The following FBXL17 variants were observed in gnomAD, a reference collection of about 807,000 sequenced individuals.
FBXL17 encodes F-box/LRR-repeat protein 17.
FBXL17 carries 22 observed loss-of-function variants against 66.2 expected under a neutral mutation model. That is an observed-to-expected ratio of 0.33 (90% CI 0.24 to 0.47). The LOEUF (loss-of-function observed/expected upper bound fraction) is 0.47. Ranked by LOEUF, FBXL17 falls within the 20% of genes least tolerant of loss-of-function variation. The pLI is 1.00. For synonymous variants in FBXL17, 474 were observed against 400.5 expected, an observed-to-expected ratio of 1.18 and a Z score of -2.19; for missense variants, 878 against 948.2, an observed-to-expected ratio of 0.93 and a Z score of 0.97.
At chr5:107,904,517 A>C (rs1454148091) in intron 7 of FBXL17, among the ~76,000 whole-genome samples, 2 of 152,154 alleles carry the variant, frequency 1.3e-5, no homozygotes, top group African/African-American at 4.8e-5. Flanking sequence ...ATATATAACT[A>C]TATCTAGTTT....
rs903528431 is a variant in FBXL17 at position 107,996,324 on chromosome 5, T to G, written c.1822+24601A>C. 2.0e-5 allele frequency among the ~76,000 whole-genome samples: 3 copies of G among 152,208 alleles called. No homozygotes were observed. The East Asian group carries it at 5.8e-4, about 29-fold the overall frequency. On this transcript the variant is annotated intron_variant, in intron 7 of 8. Coordinates refer to ENST00000542267, the MANE Select transcript of FBXL17 (RefSeq NM_001163315.3). ...CCTATGACACTATTTTTTGTTTGTTTGTTTGTTGGAGACCGAGTCTCCCTG... is the reference window on the plus strand; with the variant it reads ...CCTATGACACTATTTTTTGTTTGTTGGTTTGTTGGAGACCGAGTCTCCCTG...
chr5:108,315,578 C>A (rs1210308292), intron 4 of FBXL17, among the ~76,000 whole-genome samples: 1 of 150,840 alleles, frequency 6.6e-6, no homozygotes, highest in Non-Finnish European at 1.5e-5. Flanking sequence ...TATAATACAA[C>A]CAAGAGAATT....
intron 4 of FBXL17, among the ~76,000 whole-genome samples, chr5:108,278,497 G>C (rs571620737): frequency 2.9e-4 from 44 of 152,310 alleles, no homozygotes; most frequent in African/African-American, 1.1e-3. Context: ...CCCAGTGCTA[G>C]AAGCAGGCAC....
At chr5:108,067,022 T>C (rs1199423906) in intron 6 of FBXL17, among the ~76,000 whole-genome samples, 2 of 152,080 alleles carry the variant, frequency 1.3e-5, no homozygotes, top group Admixed American at 6.5e-5. Flanking sequence ...CTTATATTTA[T>C]AATAAAGCAA....
intron 7 of FBXL17, among the ~76,000 whole-genome samples, chr5:107,934,974 G>A (rs958675778): frequency 1.3e-5 from 2 of 152,060 alleles, no homozygotes; most frequent in African/African-American, 2.4e-5. Flanking sequence ...TAGACCTCAA[G>A]TCAGGTGGTC....
intron 5 of FBXL17, among the ~76,000 whole-genome samples, chr5:108,204,641 T>C (rs1754037195): frequency 6.6e-6 from 1 of 152,162 alleles, no homozygotes; most frequent in African/African-American, 2.4e-5. Context: ...ATTTTTGGCA[T>C]TTCAGACTCT....
intron 4 of FBXL17, among the ~76,000 whole-genome samples, chr5:108,340,618 T>G (rs1398087439): frequency 6.6e-6 from 1 of 152,158 alleles, no homozygotes. Context: ...ACATAAAGAA[T>G]GGCATCATTA....
chr5:108,052,314 T>C (rs1347651761), intron 6 of FBXL17, among the ~76,000 whole-genome samples: 1 of 152,024 alleles, frequency 6.6e-6, no homozygotes, highest in African/African-American at 2.4e-5. Flanking sequence ...AACCCCATCA[T>C]CTCAGCCCCA....
chr5:108,318,491 T>C (rs1219629086), intron 4 of FBXL17, among the ~76,000 whole-genome samples: 1 of 151,838 alleles, frequency 6.6e-6, no homozygotes, highest in Non-Finnish European at 1.5e-5. Flanking sequence ...CCAATATACA[T>C]AAAATCCTTG....
chr5:108,302,372 G>T (rs777384158), intron 4 of FBXL17, among the ~76,000 whole-genome samples: 1 of 151,688 alleles, frequency 6.6e-6, no homozygotes, highest in Non-Finnish European at 1.5e-5. Context: ...CAAAATAAAA[G>T]AAATACATAT....
intron 6 of FBXL17, among the ~76,000 whole-genome samples, chr5:108,154,965 A>T (rs932932868): frequency 6.6e-6 from 1 of 152,018 alleles, no homozygotes; most frequent in African/African-American, 2.4e-5. Context: ...CACCCTTCAG[A>T]CTTAATAAGA....
intron 6 of FBXL17, among the ~76,000 whole-genome samples, chr5:108,123,864 T>A (rs1391655088): frequency 1.3e-5 from 2 of 152,138 alleles, no homozygotes; most frequent in Non-Finnish European, 1.5e-5. Context: ...ATGGAAAACA[T>A]AAGACACCAC....
At chr5:107,946,666 C>G (rs1319342915) in intron 7 of FBXL17, among the ~76,000 whole-genome samples, 1 of 151,778 alleles carries the variant, frequency 6.6e-6, no homozygotes, top group African/African-American at 2.4e-5. Flanking sequence ...GGGACAGAAG[C>G]CCCTGCATAA....
At chr5:108,013,620 C>A (rs1561367738) in intron 7 of FBXL17, among the ~76,000 whole-genome samples, 1 of 152,188 alleles carries the variant, frequency 6.6e-6, no homozygotes, top group Non-Finnish European at 1.5e-5. Flanking sequence ...TCTTTCTCAA[C>A]ACAAGAGTAC....
chr5:108,107,399 T>C (rs1749842967), intron 6 of FBXL17, among the ~76,000 whole-genome samples: 1 of 152,202 alleles, frequency 6.6e-6, no homozygotes, highest in Non-Finnish European at 1.5e-5. Flanking sequence ...TTCTGTTAAT[T>C]AGATGAAATA....
At chr5:107,937,706 T>A (rs927494025) in intron 7 of FBXL17, among the ~76,000 whole-genome samples, 1 of 152,144 alleles carries the variant, frequency 6.6e-6, no homozygotes, top group Non-Finnish European at 1.5e-5. Flanking sequence ...ATGGTAGGTG[T>A]GCAGTGAATA....
chr5:107,905,557 G>C (rs1749725278), intron 7 of FBXL17, among the ~76,000 whole-genome samples: 1 of 152,092 alleles, frequency 6.6e-6, no homozygotes, highest in Non-Finnish European at 1.5e-5. Context: ...TGTGAAAAAT[G>C]ACTCTTCAAA....
chr5:107,896,498 A>G (rs1338558152), intron 7 of FBXL17, among the ~76,000 whole-genome samples: 3 of 152,220 alleles, frequency 2.0e-5, no homozygotes, highest in Admixed American at 6.5e-5. Context: ...GACACTACTC[A>G]TCTCCACCTG....
chr5:107,947,717 A>ATC (rs1164307807), intron 7 of FBXL17, among the ~76,000 whole-genome samples: 1 of 152,198 alleles, frequency 6.6e-6, no homozygotes, highest in Non-Finnish European at 1.5e-5. Flanking sequence ...ATGACAGTGG[A>ATC]AAGAACCCTA....
Sources: gnomAD v4.1 joint callset for allele counts (sites outside exome capture counted in the v4.1 genomes callset) on GRCh38, gnomAD v4.1.1 for gene constraint, MANE v1.5 for transcripts, NCBI Gene and HGNC (gene_info 2026-07-23, HGNC 2026-07-21) for gene names.